The following MYO10 variants were observed in gnomAD, a reference collection of about 807,000 sequenced individuals.
MYO10 encodes unconventional myosin-X.
In MYO10, 133 loss-of-function variants were observed where a neutral mutation model predicts 257.3. The ratio of observed to expected loss-of-function variants is 0.52; its 90% CI spans 0.45 to 0.60. The LOEUF (loss-of-function observed/expected upper bound fraction) is 0.60, where lower values mean the gene tolerates loss of function less well. MYO10 is among the 20% of genes least tolerant of loss of function. The pLI is 0.00. For missense variants in MYO10, 2,399 were observed against 2,635.7 expected, an observed-to-expected ratio of 0.91 and a Z score of 1.97; for synonymous variants, 1,104 against 1,028.6, an observed-to-expected ratio of 1.07 and a Z score of -1.40.
chr5:16,741,032 A>G (rs1247141694), intron 19 of MYO10, among the ~76,000 whole-genome samples: 1 of 152,252 alleles, frequency 6.6e-6, no homozygotes, highest in Non-Finnish European at 1.5e-5. Flanking sequence ...AATATGAAAG[A>G]CCACTTTCAC....
chr5:16,718,385 G>T (rs917468745), intron 19 of MYO10, among the ~76,000 whole-genome samples: 2 of 152,264 alleles, frequency 1.3e-5, no homozygotes, highest in East Asian at 3.8e-4. Context: ...GCCCTGGTGC[G>T]GGATCCACTA....
At chr5:16,786,699 G>A (rs141811682) in intron 4 of MYO10, among the ~76,000 whole-genome samples, 1 of 152,102 alleles carries the variant, frequency 6.6e-6, no homozygotes, top group African/African-American at 2.4e-5. Context: ...AATATGCCTA[G>A]CCCAAAGCAT....
chr5:16,780,469 A>G, intron 8 of MYO10, 55 bp downstream of exon 8: 1 of 1,414,636 alleles, frequency 7.1e-7, no homozygotes. Flanking sequence ...ACTGACATCT[A>G]TTTAAATGGA....
chr5:16,677,519 C>T (rs1484368669), intron 33 of MYO10, among the ~76,000 whole-genome samples: 4 of 151,372 alleles, frequency 2.6e-5, no homozygotes, highest in Non-Finnish European at 2.9e-5. Flanking sequence ...GGGTTCACAC[C>T]ATTCTCCTGC....
At chr5:16,878,826 CAG>C (rs1744675182) in intron 1 of MYO10, among the ~76,000 whole-genome samples, 1 of 151,902 alleles carries the variant, frequency 6.6e-6, no homozygotes, top group Non-Finnish European at 1.5e-5. Context: ...TTTGGGGACT[CAG>C]GGAGAAGGGT....
At chr5:16,763,049 G>T (rs1475991857) in intron 14 of MYO10, among the ~76,000 whole-genome samples, 1 of 151,846 alleles carries the variant, frequency 6.6e-6, no homozygotes, top group Non-Finnish European at 1.5e-5. Flanking sequence ...CAAATGAGTG[G>T]TTAAAAGAAA....
chr5:16,922,312 G>C (rs1009026415), intron 1 of MYO10, among the ~76,000 whole-genome samples: 2 of 152,148 alleles, frequency 1.3e-5, no homozygotes, highest in Admixed American at 1.3e-4. Context: ...CTTCCAGAGG[G>C]CTGCACACCT....
chr5:16,871,286 A>C (rs980329996), intron 2 of MYO10, among the ~76,000 whole-genome samples: 17 of 152,184 alleles, frequency 1.1e-4, no homozygotes, highest in Non-Finnish European at 1.9e-4. Context: ...CAAGGACAAG[A>C]CCATGCTCTA....
At chr5:16,684,227 A>G (rs1156606919) in intron 29 of MYO10, among the ~76,000 whole-genome samples, 1 of 152,194 alleles carries the variant, frequency 6.6e-6, no homozygotes, top group Non-Finnish European at 1.5e-5. Flanking sequence ...TAAGTTTTCT[A>G]CAAGTACCTC....
chr5:16,735,064 T>G (rs1455703334), intron 19 of MYO10, among the ~76,000 whole-genome samples: 2 of 152,138 alleles, frequency 1.3e-5, no homozygotes, highest in Non-Finnish European at 2.9e-5. Context: ...CGGATCAGTG[T>G]TAAAACCTCA....
chr5:16,731,444 A>G (rs1204265195), intron 19 of MYO10, among the ~76,000 whole-genome samples: 1 of 151,806 alleles, frequency 6.6e-6, no homozygotes, highest in South Asian at 2.1e-4. Context: ...CCCAGGTTCA[A>G]GCGATTCTCC....
At chr5:16,669,781 C>T (rs1419654313) in intron 39 of MYO10, among the ~76,000 whole-genome samples, 2 of 152,134 alleles carry the variant, frequency 1.3e-5, no homozygotes, top group African/African-American at 4.8e-5. Flanking sequence ...TTACTGTGAT[C>T]ATAAAAAATG....
intron 1 of MYO10, among the ~76,000 whole-genome samples, chr5:16,912,018 A>G (rs1234991416): frequency 6.6e-6 from 1 of 152,010 alleles, no homozygotes; most frequent in Non-Finnish European, 1.5e-5. Flanking sequence ...CTGGGCAACA[A>G]GAACGAAATT....
intron 27 of MYO10, among the ~76,000 whole-genome samples, chr5:16,693,346 C>A (rs1314141845): frequency 6.6e-6 from 1 of 152,220 alleles, no homozygotes; most frequent in Non-Finnish European, 1.5e-5. Flanking sequence ...GCAACAGAGC[C>A]ATGCCTTGCT....
intron 1 of MYO10, among the ~76,000 whole-genome samples, chr5:16,934,483 C>G (rs1382729258): frequency 6.6e-6 from 1 of 152,224 alleles, no homozygotes; most frequent in Non-Finnish European, 1.5e-5. Context: ...CACTGGACAA[C>G]GTGCAACTCT....
chr5:16,763,804 T>C (rs372624686), intron 12 of MYO10, 49 bp from the exon 13 acceptor site: 14 of 1,089,826 alleles, frequency 1.3e-5, no homozygotes, highest in Non-Finnish European at 1.9e-5. Flanking sequence ...CTCACGATTA[T>C]ATAGAAAGGT....
chr5:16,676,205 TATAA>T (rs1270831679), intron 33 of MYO10, 51 bp from the exon 34 acceptor site: 5 of 1,594,406 alleles, frequency 3.1e-6, no homozygotes, highest in Non-Finnish European at 4.3e-6. Flanking sequence ...TTTTCCTACA[TATAA>T]ATATTTTTCA....
At chr5:16,828,307 A>G (rs115727666) in intron 2 of MYO10, among the ~76,000 whole-genome samples, 4,247 of 152,110 alleles carry the variant, frequency 0.028, 203 homozygotes, top group African/African-American at 0.095. Context: ...GAGATCGCTG[A>G]GGGTGGATGC....
At chr5:16,801,293 C>T (rs892945330) in intron 3 of MYO10, among the ~76,000 whole-genome samples, 1 of 152,154 alleles carries the variant, frequency 6.6e-6, no homozygotes, top group Non-Finnish European at 1.5e-5. Context: ...CTGCAGCCTC[C>T]GCCTCCCGGG....
Sources: allele counts gnomAD v4.1 joint callset (sites outside exome capture counted in the v4.1 genomes callset), GRCh38; gene constraint gnomAD v4.1.1; transcripts MANE v1.5; gene names NCBI Gene and HGNC (gene_info 2026-07-23, HGNC 2026-07-21).